The following BBS2 variants were observed in gnomAD, a reference collection of about 807,000 sequenced individuals.
The protein encoded by BBS2 is Bardet-Biedl syndrome 2.
Under a neutral mutation model 83.0 loss-of-function variants are expected in BBS2, and 62 were observed. That is an observed-to-expected ratio of 0.75 (90% confidence interval 0.61 to 0.92). The LOEUF is 0.92. Ranked by LOEUF, BBS2 falls within the 40% of genes least tolerant of loss-of-function variation. BBS2 has a pLI of 0.00. For missense variants in BBS2, 784 were observed against 901.0 expected (o/e 0.87, Z 1.66); for synonymous variants, 303 against 326.1 (o/e 0.93, Z 0.76).
At position 56,501,482 on chromosome 16, in the gene BBS2, G is replaced by A; in HGVS notation, c.1096C>T (p.Pro366Ser). The A allele has an allele frequency of 1.2e-6, 2 of 1,614,118 alleles. No individual in the cohort carries two copies. The highest frequency in any genetic ancestry group is 1.7e-6 in the Non-Finnish European group (2 of 1,180,026). The part of the protein sequence containing the change: ...EENAKAELAS[P>S]LNEADGHRGI... ...CGATGCCCATCAGCCTCGTTCAGTG[G>A]ACTGGCCAATTCAGCCTGCAAAACA... The change falls in exon 10 of 17, where the codon CCA (proline) becomes TCA (serine). Residue 366 changes from proline to serine, a missense_variant. By Grantham distance (74) the Pro-to-Ser change is moderately conservative. Coordinates refer to ENST00000245157, the MANE Select transcript of BBS2 (RefSeq NM_031885.5).
At chr16:56,502,922 T>C (rs1275018523) in intron 7 of BBS2, 114 bp from the exon 8 acceptor site, 1 of 1,320,252 alleles carries the variant, frequency 7.6e-7, no homozygotes, top group Non-Finnish European at 1.1e-6. Flanking sequence ...TTCAAGAGTA[T>C]TCTATGAAGC....
chr16:56,476,124 T>G, intron 17 of BBS2: 1 of 1,614,004 alleles, frequency 6.2e-7, no homozygotes, highest in African/African-American at 1.3e-5. Context: ...TCAAGCATAT[T>G]AACCACCGAA....
At chr16:56,504,899 G>A (rs1416472301) in intron 7 of BBS2, among the ~76,000 whole-genome samples, 2 of 152,118 alleles carry the variant, frequency 1.3e-5, no homozygotes, top group Non-Finnish European at 2.9e-5. Context: ...AGGTGATTAG[G>A]TCATAAGGGC....
At chr16:56,474,095 A>G (rs1963338661) in intron 17 of BBS2, among the ~76,000 whole-genome samples, 1 of 152,042 alleles carries the variant, frequency 6.6e-6, no homozygotes, top group Non-Finnish European at 1.5e-5. Context: ...ACAGATTGTA[A>G]TAGTTCATTT....
At chr16:56,474,389 C>T (rs986232082) in intron 17 of BBS2, among the ~76,000 whole-genome samples, 1 of 146,924 alleles carries the variant, frequency 6.8e-6, no homozygotes, top group Non-Finnish European at 1.5e-5. Flanking sequence ...GGCACAATCT[C>T]GGCTTACCAC....
At position 56,474,901 on chromosome 16, in the gene BBS2, T is replaced by C. The variant is rs749582267; in HGVS notation, c.*1-4206A>G. 21 of 1,613,640 alleles carry C rather than the reference T, an allele frequency of 1.3e-5. No individual in the cohort carries two copies. In the South Asian group the frequency reaches 1.9e-4, roughly 14 times the overall value. On this transcript the variant is annotated intron_variant, in intron 17 of 17. Transcript: ENST00000682047. The stretch of plus-strand genomic sequence containing the variant: ...GTCACTACACTTTAATTCATGACCA[T>C]AGCAAGGCTGAATTTGCCCTAGACT...
intron 1 of BBS2, among the ~76,000 whole-genome samples, chr16:56,514,937 A>G (rs1964691037): frequency 6.6e-6 from 1 of 152,242 alleles, no homozygotes; most frequent in African/African-American, 2.4e-5. Context: ...TTACCAGGCC[A>G]GCTTACATGC....
chr16:56,503,169 C>A (rs541570502), intron 7 of BBS2, among the ~76,000 whole-genome samples: 1 of 152,208 alleles, frequency 6.6e-6, no homozygotes, highest in East Asian at 1.9e-4. Context: ...AGCTCTGCCA[C>A]GTACTATCCA....
chr16:56,513,018 A>C (rs1368694309), intron 2 of BBS2, among the ~76,000 whole-genome samples: 2 of 152,082 alleles, frequency 1.3e-5, no homozygotes, highest in Non-Finnish European at 2.9e-5. Flanking sequence ...TGGGTGTGGT[A>C]GTACACACCT....
chr16:56,475,556 A>C (rs1963429805), intron 17 of BBS2: 1 of 1,613,828 alleles, frequency 6.2e-7, no homozygotes, highest in South Asian at 1.1e-5. Context: ...CCAAAGGTGA[A>C]GATGAAGAGG....
chr16:56,493,781 A>G (rs1432763375), intron 15 of BBS2, among the ~76,000 whole-genome samples: 3 of 152,250 alleles, frequency 2.0e-5, no homozygotes, highest in Non-Finnish European at 4.4e-5. Context: ...AGATACAGTA[A>G]TTTGACGGAA....
At chr16:56,500,032 G>A (rs1318904662) in intron 11 of BBS2, 125 bp from the exon 12 acceptor site, 5 of 1,180,694 alleles carry the variant, frequency 4.2e-6, no homozygotes, top group Non-Finnish European at 6.3e-6. Context: ...ACTTAAGAAG[G>A]AACCCCCAAA....
intron 17 of BBS2, chr16:56,478,306 CTGCCT>C (rs1180478492): frequency 2.6e-5 from 4 of 152,148 alleles, no homozygotes; most frequent in East Asian, 3.9e-4. Flanking sequence ...TTACAGGCAC[CTGCCT>C]CCATACCCAG....
chr16:56,501,218 G>A, intron 10 of BBS2, 135 bp downstream of exon 10: 2 of 1,345,386 alleles, frequency 1.5e-6, no homozygotes, highest in Non-Finnish European at 1.1e-6. Flanking sequence ...GCTGAGACAG[G>A]AGAATGGCAT....
At chr16:56,507,647 A>G (rs918231500) in intron 5 of BBS2, among the ~76,000 whole-genome samples, 2 of 152,056 alleles carry the variant, frequency 1.3e-5, no homozygotes, top group East Asian at 3.9e-4. Flanking sequence ...CTCTCTTCAG[A>G]AAGCACATAT....
intron 17 of BBS2, chr16:56,476,299 A>C: frequency 1.7e-6 from 2 of 1,186,310 alleles, no homozygotes; most frequent in Non-Finnish European, 1.2e-6. Context: ...ACTACATGGT[A>C]GCTTGCCTGA....
chr16:56,506,182 A>G lies in BBS2; in HGVS notation c.655T>C (p.Tyr219His). The change falls in exon 6 of 17, where the codon TAT (tyrosine) becomes CAT (histidine). Residue 219 changes from tyrosine to histidine, a missense_variant. Transcript: ENST00000245157. The part of the protein sequence containing the change: ...LCPMYGSRFG[Y>H]ALSNGTVGVY... The stretch of plus-strand genomic sequence containing the variant: ...CCAACTGTGCCATTGGAAAGGGCAT[A>G]ACCAAATCGACTGCCATACATGGGA... The G allele has an allele frequency of 6.2e-7, 1 of 1,614,096 alleles. No individual in the cohort carries two copies. The highest frequency in any genetic ancestry group is 8.5e-7 in the Non-Finnish European group (1 of 1,179,956).
intron 15 of BBS2, among the ~76,000 whole-genome samples, chr16:56,493,029 AC>A (rs1852459639): frequency 6.6e-6 from 1 of 152,190 alleles, no homozygotes; most frequent in African/African-American, 2.4e-5. Flanking sequence ...AGCCGTAAAG[AC>A]AAATGAGATG....
At chr16:56,511,992 C>CAAATCAATAATAAAGAGACA (rs1416351275) in intron 2 of BBS2, among the ~76,000 whole-genome samples, 1 of 151,988 alleles carries the variant, frequency 6.6e-6, no homozygotes, top group Non-Finnish European at 1.5e-5. Context: ...GAAATGTCTA[C>CAAATCAATAATAAAGAGACA]AAATCAATAA....
Sources: gnomAD v4.1 joint callset for allele counts (sites outside exome capture counted in the v4.1 genomes callset) on GRCh38, gnomAD v4.1.1 for gene constraint, MANE v1.5 for transcripts, NCBI Gene and HGNC (gene_info 2026-07-23, HGNC 2026-07-21) for gene names.